The following DOCK2 variants were observed in gnomAD, a reference collection of about 807,000 sequenced individuals.
DOCK2 encodes the protein dedicator of cytokinesis 2.
A neutral mutation model predicts 248.9 loss-of-function variants in DOCK2; 87 were observed. That is an observed-to-expected ratio of 0.35 (90% CI 0.29 to 0.42). The LOEUF (loss-of-function observed/expected upper bound fraction) is 0.42, where lower values mean the gene tolerates loss of function less well. DOCK2 is among the 10% of genes least tolerant of loss of function. DOCK2 has a pLI of 1.00. For missense variants in DOCK2, 1,747 were observed against 2,300.2 expected, an observed-to-expected ratio of 0.76 and a Z score of 4.92; for synonymous variants, 805 against 821.6, an observed-to-expected ratio of 0.98 and a Z score of 0.35.
rs1342704974 is a variant in DOCK2 at position 169,795,485 on chromosome 5, AAGTG to A, written c.2555-7571_2555-7568del. ...TGAGGCATGTTTCTGGGGGTGAGGCAAGTGACTCATGGGGAGCTGCTGAAGAATG... is the reference window on the plus strand; with the variant it reads ...TGAGGCATGTTTCTGGGGGTGAGGCAACTCATGGGGAGCTGCTGAAGAATG... On this transcript the variant is annotated intron_variant, in intron 25 of 51. Coordinates refer to ENST00000520908, the MANE Select transcript of DOCK2 (RefSeq NM_004946.3). Among the ~76,000 whole-genome samples, 84 of 152,338 alleles carry A rather than the reference AAGTG, an allele frequency of 5.5e-4. No individual in the cohort carries two copies. The Middle Eastern group carries it at 0.017, about 31-fold the overall frequency.
At position 169,760,996 on chromosome 5, in the gene DOCK2, A is replaced by G. The variant is rs141557045; in HGVS notation, c.2448-523A>G. ...TGTCCCAAACTGGTTCTAATCCACA[A>G]TTTTTCATAGTTTTAAAAAAAATTA... On this transcript the variant is annotated intron_variant, in intron 24 of 51. Coordinates refer to ENST00000520908, the MANE Select transcript of DOCK2 (RefSeq NM_004946.3). 2.1e-3 allele frequency among the ~76,000 whole-genome samples: 326 copies of G among 152,274 alleles called. 2 individuals are homozygous for G. Among genetic ancestry groups the G allele is most frequent in the African/African-American group, 7.7e-3 (318 of 41,546 alleles).
chr5:169,971,144 A>C (rs894281842), intron 27 of DOCK2, among the ~76,000 whole-genome samples: 3 of 151,890 alleles, frequency 2.0e-5, no homozygotes, highest in Non-Finnish European at 4.4e-5. Context: ...AAGTGGGACA[A>C]ATGTGAATTT....
intron 10 of DOCK2, among the ~76,000 whole-genome samples, chr5:169,696,326 A>C (rs1760624495): frequency 6.6e-6 from 1 of 152,222 alleles, no homozygotes; most frequent in Admixed American, 6.5e-5. Flanking sequence ...TGAGTCACCT[A>C]CCACACATCT....
intron 32 of DOCK2, 111 bp downstream of exon 32, chr5:170,008,857 AG>A: frequency 7.7e-7 from 1 of 1,301,798 alleles, no homozygotes; most frequent in South Asian, 1.2e-5. Flanking sequence ...ATGAAATAAC[AG>A]TTCATTACTG....
At chr5:169,942,344 A>C (rs1003652183) in intron 27 of DOCK2, among the ~76,000 whole-genome samples, 9 of 152,194 alleles carry the variant, frequency 5.9e-5, no homozygotes, top group Non-Finnish European at 8.8e-5. Flanking sequence ...ATTAACTTAG[A>C]GGGAGACTGG....
intron 25 of DOCK2, 143 bp downstream of exon 25, chr5:169,761,768 A>G: frequency 1.8e-6 from 1 of 556,642 alleles, no homozygotes; most frequent in East Asian, 3.0e-5. Context: ...GCATAAATGC[A>G]AAAAGTAGAA....
At chr5:170,012,648 G>A (rs989934786) in intron 32 of DOCK2, among the ~76,000 whole-genome samples, 2 of 152,242 alleles carry the variant, frequency 1.3e-5, no homozygotes, top group African/African-American at 4.8e-5. Flanking sequence ...TAAGGAGCCA[G>A]CCACTCAGGG....
intron 4 of DOCK2, 109 bp from the exon 5 acceptor site, chr5:169,670,969 T>C (rs1039694891): frequency 3.7e-6 from 3 of 820,214 alleles, no homozygotes; most frequent in East Asian, 2.6e-5. Flanking sequence ...TTTAGTCTAA[T>C]GTCAGGAAGG....
rs368378335 is a variant in DOCK2, at chr5:169,698,417, T to C, written c.1023T>C (p.Asp341=). The C allele has an allele frequency of 4.3e-6, 7 of 1,614,130 alleles. No homozygotes were observed. The highest frequency in any genetic ancestry group is 1.1e-5 in the South Asian group (1 of 91,090). ...TDIIKGKAES[D]EEKQHFIPFH... ...TCATCAAGGGGAAAGCAGAGAGTGA[T>C]GAAGAAAAGCAGCACTTCATTCCTT... Residue 341 remains aspartate, a synonymous_variant, in exon 11 of 52, where the codon GAT becomes GAC. Coordinates refer to ENST00000520908, the MANE Select transcript of DOCK2 (RefSeq NM_004946.3).
chr5:169,665,918 A>T (rs900128631), intron 2 of DOCK2, among the ~76,000 whole-genome samples: 1 of 152,198 alleles, frequency 6.6e-6, no homozygotes, highest in Non-Finnish European at 1.5e-5. Flanking sequence ...GGTATTTGAG[A>T]TGTGAAAAGG....
intron 6 of DOCK2, among the ~76,000 whole-genome samples, chr5:169,676,077 C>A (rs1031436742): frequency 6.6e-6 from 1 of 152,150 alleles, no homozygotes; most frequent in African/African-American, 2.4e-5. Context: ...CTACGACCTT[C>A]AAATGTTGTT....
chr5:169,831,842 CAG>C (rs1222875773), intron 26 of DOCK2, among the ~76,000 whole-genome samples: 1 of 152,158 alleles, frequency 6.6e-6, no homozygotes, highest in African/African-American at 2.4e-5. Context: ...ACTTGAGGCT[CAG>C]AGGGGCAAGA....
At chr5:170,031,413 G>C (rs1756131843) in intron 34 of DOCK2, among the ~76,000 whole-genome samples, 1 of 152,140 alleles carries the variant, frequency 6.6e-6, no homozygotes, top group Non-Finnish European at 1.5e-5. Flanking sequence ...GCCCCCTCTA[G>C]TCCTCCCACA....
At chr5:169,705,026 G>A (rs1256023125) in intron 14 of DOCK2, among the ~76,000 whole-genome samples, 1 of 151,992 alleles carries the variant, frequency 6.6e-6, no homozygotes, top group African/African-American at 2.4e-5. Flanking sequence ...GCTGAGTGTG[G>A]TGGCAAGCAC....
intron 27 of DOCK2, among the ~76,000 whole-genome samples, chr5:169,944,927 T>G (rs1219273797): frequency 6.6e-6 from 1 of 152,202 alleles, no homozygotes; most frequent in Non-Finnish European, 1.5e-5. Context: ...CTGCTACATG[T>G]TCTAACTTCT....
chr5:169,783,458 AGTGGGGTTAAAT>A, intron 25 of DOCK2, among the ~76,000 whole-genome samples: 1 of 152,186 alleles, frequency 6.6e-6, no homozygotes, highest in Non-Finnish European at 1.5e-5. Flanking sequence ...TCTGGATTAT[AGTGGGGTTAAAT>A]GTGAATATTA....
At chr5:169,922,858 G>A (rs1775246012) in intron 27 of DOCK2, among the ~76,000 whole-genome samples, 1 of 152,106 alleles carries the variant, frequency 6.6e-6, no homozygotes, top group Non-Finnish European at 1.5e-5. Context: ...TCTTTGAAAG[G>A]GAGCTTGAAA....
chr5:169,990,693 C>T (rs1389811632), intron 29 of DOCK2, among the ~76,000 whole-genome samples: 2 of 152,176 alleles, frequency 1.3e-5, no homozygotes, highest in Non-Finnish European at 2.9e-5. Context: ...GTCTCCCAGC[C>T]AATGCTTTTA....
chr5:169,883,941 G>A, intron 27 of DOCK2: 1 of 1,442,802 alleles, frequency 6.9e-7, no homozygotes, highest in Middle Eastern at 1.9e-4. Context: ...CTTCTCCTAG[G>A]CACATCTCCC....
Sources: gnomAD v4.1 joint callset for allele counts (sites outside exome capture counted in the v4.1 genomes callset) on GRCh38, gnomAD v4.1.1 for gene constraint, MANE v1.5 for transcripts, NCBI Gene and HGNC (gene_info 2026-07-23, HGNC 2026-07-21) for gene names.